The following LTF variants were observed in gnomAD, a reference collection of about 807,000 sequenced individuals.
The protein encoded by LTF is lactotransferrin, also known as epididymis luminal protein 110.
LTF carries 91 observed loss-of-function variants against 87.2 expected under a neutral mutation model. The observed-to-expected ratio is 1.04, with a 90% CI of 0.88 to 1.24. LTF has a LOEUF of 1.24. Ranked by LOEUF, LTF falls within the 50% of genes most tolerant of loss-of-function variation. The pLI is 0.00. For synonymous variants in LTF, 378 were observed against 356.1 expected (o/e 1.06, Z -0.69); for missense variants, 901 against 904.3 (o/e 1.00, Z 0.05).
chr3:46,467,485 G>C (rs1042034708), upstream of LTF, among the ~76,000 whole-genome samples: 6 of 152,080 alleles, frequency 3.9e-5, no homozygotes, highest in Non-Finnish European at 7.4e-5. Context: ...CTGAAGGAAG[G>C]GTGGGATTTC....
intron 1 of LTF, among the ~76,000 whole-genome samples, chr3:46,477,481 G>C (rs1048616160): frequency 1.3e-5 from 2 of 152,186 alleles, no homozygotes; most frequent in Non-Finnish European, 2.9e-5. Flanking sequence ...GTTAAACATC[G>C]CAGGCAGGGG....
chr3:46,446,701 C>G (rs571497265), intron 10 of LTF, among the ~76,000 whole-genome samples: 1 of 152,208 alleles, frequency 6.6e-6, no homozygotes, highest in Non-Finnish European at 1.5e-5. Context: ...CTGGAAACTA[C>G]TCAAATGCCC....
At chr3:46,466,883 T>TC (rs1266369060), upstream of LTF, among the ~76,000 whole-genome samples, 6 of 152,222 alleles carry the variant, frequency 3.9e-5, no homozygotes, top group South Asian at 2.1e-4. Flanking sequence ...AACCCGTGTC[T>TC]CTTTTTCTGA....
At chr3:46,439,525 A>G in intron 14 of LTF, 45 bp from the exon 15 acceptor site, 1 of 1,540,618 alleles carries the variant, frequency 6.5e-7, no homozygotes, top group South Asian at 1.2e-5. Flanking sequence ...TCCCCTGCTT[A>G]GCCAAGAAGT....
At chr3:46,453,711 T>C (rs1000090616) in intron 6 of LTF, among the ~76,000 whole-genome samples, 5 of 152,178 alleles carry the variant, frequency 3.3e-5, no homozygotes, top group African/African-American at 1.2e-4. Context: ...TCAACTGCTT[T>C]ATTATAAGTC....
At chr3:46,462,187 C>G (rs1200773731) in intron 1 of LTF, among the ~76,000 whole-genome samples, 1 of 152,196 alleles carries the variant, frequency 6.6e-6, no homozygotes, top group Non-Finnish European at 1.5e-5. Flanking sequence ...GCTGTACAAA[C>G]AGCACTGTGT....
At chr3:46,482,878 A>G (rs1301278078) in intron 1 of LTF, among the ~76,000 whole-genome samples, 3 of 152,238 alleles carry the variant, frequency 2.0e-5, no homozygotes, top group Admixed American at 2.0e-4. Context: ...AAGAGAGAGA[A>G]AGAAAACAAA....
At chr3:46,468,283 T>G (rs190523816), upstream of LTF, 1 of 456,734 alleles carries the variant, frequency 2.2e-6, no homozygotes, top group East Asian at 6.9e-5. Flanking sequence ...ATGGGACATC[T>G]CCAACGTGCC....
intron 1 of LTF, among the ~76,000 whole-genome samples, chr3:46,483,876 A>G (rs1703483446): frequency 6.6e-6 from 1 of 152,150 alleles, no homozygotes; most frequent in Non-Finnish European, 1.5e-5. Context: ...TCCTGGCCTC[A>G]AGCAATCCTC....
At chr3:46,480,829 G>C (rs975963649) in intron 1 of LTF, among the ~76,000 whole-genome samples, 2 of 152,174 alleles carry the variant, frequency 1.3e-5, no homozygotes, top group African/African-American at 4.8e-5. Context: ...AAACCTAGGA[G>C]AGAAGTCTCA....
In LTF at chr3:46,438,245, A is replaced by G. The variant is rs190402973; in HGVS notation, c.1909-116T>C. ...AGCCCTGAGAAAACCATGGGGCAGAAGGAGCTGAGTTCTGGAGTCATTCCA... is the reference window on the plus strand; with the variant it reads ...AGCCCTGAGAAAACCATGGGGCAGAGGGAGCTGAGTTCTGGAGTCATTCCA... On this transcript the variant is annotated intron_variant, in intron 15 of 16. Coordinates refer to ENST00000231751, the MANE Select transcript of LTF (RefSeq NM_002343.6). 1,414 of 850,302 alleles carry G rather than the reference A, an allele frequency of 1.7e-3. 12 individuals carry two copies. The highest frequency in any genetic ancestry group is 0.016 in the Middle Eastern group (48 of 2,968). The allele number at this position is 850,302 out of a possible 1,614,324, so 52.7% of individuals were successfully genotyped here.
chr3:46,480,234 T>C (rs1368428606), intron 1 of LTF, among the ~76,000 whole-genome samples: 3 of 152,228 alleles, frequency 2.0e-5, no homozygotes, highest in African/African-American at 7.2e-5. Context: ...TGGGCTCATT[T>C]TCCTCCAAGA....
Position 46,449,965 on chromosome 3 carries a change from C to T in LTF, c.946G>A (p.Asp316Asn), listed in dbSNP as rs1702762491. The change falls in exon 8 of 17, where the codon GAT becomes AAT. Residue 316 changes from aspartate to asparagine, a missense_variant. Transcript: ENST00000231751. ...ATGGCAGAGTCCTTGAACAGCAGAT[C>T]TTTCTGCCCACTAGGGGAGCCAAAG... ...QLFGSPSGQK[D>N]LLFKDSAIGF... The T allele has an allele frequency of 1.2e-6, 2 of 1,614,116 alleles. No individual in the cohort carries two copies. Among genetic ancestry groups the T allele is most frequent in the Non-Finnish European group, 1.7e-6 (2 of 1,179,990 alleles).
rs186104748 is a variant in LTF at position 46,446,283 on chromosome 3, C to T, written c.1357+157G>A. On this transcript the variant is annotated intron_variant, in intron 11 of 16. Transcript: ENST00000231751. ...AATATAAACATTAATTAGAACTATTCCTCTGTGAATTATTTGCACCCTTAA... is the reference window on the plus strand; with the variant it reads ...AATATAAACATTAATTAGAACTATTTCTCTGTGAATTATTTGCACCCTTAA... Among the ~76,000 whole-genome samples the T allele has an allele frequency of 2.7e-5, 4 of 149,222 alleles. No homozygotes were observed. In the East Asian group the frequency reaches 5.9e-4, roughly 22 times the overall value.
chr3:46,479,893 T>A (rs2106927955), intron 1 of LTF, among the ~76,000 whole-genome samples: 1 of 152,276 alleles, frequency 6.6e-6, no homozygotes, highest in Middle Eastern at 3.4e-3. Context: ...TTGACATATT[T>A]TAAAGGAGGA....
At chr3:46,475,748 C>A (rs1289668071) in intron 1 of LTF, among the ~76,000 whole-genome samples, 1 of 152,118 alleles carries the variant, frequency 6.6e-6, no homozygotes, top group Non-Finnish European at 1.5e-5. Flanking sequence ...CATAAATGTA[C>A]AATTGAGCAA....
chr3:46,443,407 T>G (rs7615975), intron 13 of LTF, 34 bp downstream of exon 13: 1,268,258 of 1,610,874 alleles, frequency 0.79, 503,697 homozygotes, highest in East Asian at 1. Context: ...ATGAGGTAAG[T>G]CCCCATCCTG....
At position 46,443,395 on chromosome 3, in the gene LTF, G is replaced by A. The variant is rs755540118; in HGVS notation, c.1655+46C>T. 24 of 1,608,248 alleles carry A rather than the reference G, an allele frequency of 1.5e-5. No individual in the cohort carries two copies. The South Asian group carries it at 2.6e-4, about 18-fold the overall frequency. On this transcript the variant is annotated intron_variant, in intron 13 of 16. Transcript: ENST00000231751. ...AGAACTGCAATGCTGACATGCTGAG[G>A]GATGAGGTAAGTCCCCATCCTGATG...
At chr3:46,482,541 AAGG>A (rs1703448203) in intron 1 of LTF, among the ~76,000 whole-genome samples, 9 of 93,824 alleles carry the variant, frequency 9.6e-5, no homozygotes, top group Non-Finnish European at 1.5e-4. Context: ...AAGGGAAGGG[AAGG>A]GAAGGGAAGG....
Sources: allele counts gnomAD v4.1 joint callset (sites outside exome capture counted in the v4.1 genomes callset), GRCh38; gene constraint gnomAD v4.1.1; transcripts MANE v1.5; gene names NCBI Gene and HGNC (gene_info 2026-07-23, HGNC 2026-07-21).